The following DLG2 variants were observed in gnomAD, a reference collection of about 807,000 sequenced individuals.
DLG2 encodes discs large MAGUK scaffold protein 2, also known as disks large homolog 2.
DLG2 carries 45 observed loss-of-function variants against 132.5 expected under a neutral mutation model. That is an observed-to-expected ratio of 0.34 (90% CI 0.27 to 0.44). DLG2 has a LOEUF of 0.44. Ranked by LOEUF, DLG2 falls within the 20% of genes least tolerant of loss-of-function variation. DLG2 has a pLI of 1.00. For synonymous variants in DLG2, 424 were observed against 419.6 expected, an observed-to-expected ratio of 1.01 and a Z score of -0.13; for missense variants, 1,045 against 1,196.9, an observed-to-expected ratio of 0.87 and a Z score of 1.87.
intron 6 of DLG2, among the ~76,000 whole-genome samples, chr11:84,808,751 C>A (rs781607022): frequency 1.3e-5 from 2 of 151,784 alleles, no homozygotes; most frequent in Non-Finnish European, 2.9e-5. Context: ...ACAAGCAACC[C>A]AATATGTGAT....
At chr11:84,168,706 T>C (rs898494284) in intron 8 of DLG2, among the ~76,000 whole-genome samples, 2 of 152,152 alleles carry the variant, frequency 1.3e-5, no homozygotes, top group Admixed American at 6.5e-5. Flanking sequence ...ACTGGGCCCA[T>C]GCCTTTTGCC....
At chr11:84,184,292 A>G (rs1011384289) in intron 8 of DLG2, among the ~76,000 whole-genome samples, 9 of 150,948 alleles carry the variant, frequency 6.0e-5, no homozygotes, top group Admixed American at 1.3e-4. Context: ...ATGGTATCTC[A>G]TTGTGGTTTT....
intron 6 of DLG2, among the ~76,000 whole-genome samples, chr11:84,637,487 T>C (rs2099642761): frequency 6.6e-6 from 1 of 152,170 alleles, no homozygotes; most frequent in Admixed American, 6.5e-5. Flanking sequence ...GCCTGATAAA[T>C]GCCTGAAAGA....
intron 6 of DLG2, among the ~76,000 whole-genome samples, chr11:84,777,915 C>G (rs571610153): frequency 6.6e-6 from 1 of 152,094 alleles, no homozygotes; most frequent in Admixed American, 6.6e-5. Flanking sequence ...TCTGTTCACT[C>G]TGTCAATTAT....
At chr11:84,355,720 T>C (rs916957919) in intron 7 of DLG2, among the ~76,000 whole-genome samples, 1 of 152,034 alleles carries the variant, frequency 6.6e-6, no homozygotes, top group African/African-American at 2.4e-5. Flanking sequence ...TAAAAAAAGA[T>C]CACAAAGGAC....
At chr11:84,753,444 A>G (rs1380937198) in intron 6 of DLG2, among the ~76,000 whole-genome samples, 1 of 152,204 alleles carries the variant, frequency 6.6e-6, no homozygotes, top group East Asian at 1.9e-4. Flanking sequence ...CATACTTTGA[A>G]TATAGAGCTT....
At chr11:85,164,277 C>G (rs2078263610) in intron 4 of DLG2, among the ~76,000 whole-genome samples, 1 of 152,026 alleles carries the variant, frequency 6.6e-6, no homozygotes, top group Non-Finnish European at 1.5e-5. Flanking sequence ...AAATAACCAG[C>G]TTTAAAAAAA....
chr11:83,557,671 CA>C (rs1272055887), intron 19 of DLG2, among the ~76,000 whole-genome samples: 1 of 152,156 alleles, frequency 6.6e-6, no homozygotes, highest in Non-Finnish European at 1.5e-5. Flanking sequence ...GGCATAACCG[CA>C]ATTGGCAGTG....
chr11:84,656,469 C>T (rs1297615816), intron 6 of DLG2, among the ~76,000 whole-genome samples: 1 of 151,970 alleles, frequency 6.6e-6, no homozygotes, highest in African/African-American at 2.4e-5. Context: ...AGAGTATAGC[C>T]AAATGTAGTG....
At chr11:85,265,442 T>C (rs1255036545) in intron 4 of DLG2, among the ~76,000 whole-genome samples, 2 of 152,182 alleles carry the variant, frequency 1.3e-5, no homozygotes, top group Non-Finnish European at 2.9e-5. Context: ...ACAGAATTCC[T>C]ACTTTAGCCC....
At chr11:83,856,517 T>C (rs1345586734) in intron 16 of DLG2, among the ~76,000 whole-genome samples, 3 of 152,200 alleles carry the variant, frequency 2.0e-5, no homozygotes, top group African/African-American at 7.2e-5. Context: ...TTTTTGATAA[T>C]AGCCATTCTG....
intron 7 of DLG2, chr11:84,317,016 G>GCC: frequency 6.2e-7 from 1 of 1,612,810 alleles, no homozygotes. Flanking sequence ...CTGTACCCGA[G>GCC]CCCCTGACAG....
chr11:84,953,097 C>A (rs542551243), intron 6 of DLG2, among the ~76,000 whole-genome samples: 2 of 152,148 alleles, frequency 1.3e-5, no homozygotes, highest in Admixed American at 6.5e-5. Flanking sequence ...TCACAATTAT[C>A]ATCCTGGCTG....
Position 84,656,427 on chromosome 11 carries a change from C to G in DLG2, c.358-121696G>C, listed in dbSNP as rs928491958. ...TGTGAATCAGCAAAACAATATAATA[C>G]ACTGAAATTTTAGAAAAACTTTATC... On this transcript the variant is annotated intron_variant, in intron 6 of 27. Transcript: ENST00000376104. Among the ~76,000 whole-genome samples, 8 of 152,160 alleles carry G rather than the reference C, an allele frequency of 5.3e-5. No homozygotes were observed. The East Asian group carries it at 9.7e-4, about 18-fold the overall frequency.
chr11:85,021,033 T>C, intron 6 of DLG2: 1 of 772,402 alleles, frequency 1.3e-6, no homozygotes. Context: ...GTTCTGTTCC[T>C]TTTCAATTTC....
At chr11:83,556,679 A>G (rs1427625148) in intron 19 of DLG2, among the ~76,000 whole-genome samples, 1 of 152,058 alleles carries the variant, frequency 6.6e-6, no homozygotes, top group Non-Finnish European at 1.5e-5. Context: ...GCCCGATACC[A>G]TTTTTTGCAT....
intron 3 of DLG2, among the ~76,000 whole-genome samples, chr11:85,529,288 A>T (rs1291946561): frequency 6.6e-6 from 1 of 152,182 alleles, no homozygotes; most frequent in Admixed American, 6.5e-5. Flanking sequence ...ATGAACATGT[A>T]ACATGAACAA....
At chr11:83,857,902 G>A (rs1241846920) in intron 16 of DLG2, among the ~76,000 whole-genome samples, 1 of 150,810 alleles carries the variant, frequency 6.6e-6, no homozygotes, top group African/African-American at 2.4e-5. Context: ...AGTTCTCTTT[G>A]CTCCTATGTC....
chr11:84,379,448 A>T (rs2154433449), intron 7 of DLG2, among the ~76,000 whole-genome samples: 2 of 152,240 alleles, frequency 1.3e-5, no homozygotes. Flanking sequence ...ATAGAGCACC[A>T]GGGAGTGAAA....
Sources: allele counts gnomAD v4.1 joint callset (sites outside exome capture counted in the v4.1 genomes callset), GRCh38; gene constraint gnomAD v4.1.1; transcripts MANE v1.5; gene names NCBI Gene and HGNC (gene_info 2026-07-23, HGNC 2026-07-21).